Variants in ABCG5 observed in about 807,000 individuals in gnomAD.
ABCG5 encodes the protein ATP binding cassette subfamily G member 5.
Under a neutral mutation model 64.5 loss-of-function variants are expected in ABCG5, and 64 were observed. That is an observed-to-expected ratio of 0.99 (90% CI 0.81 to 1.22). ABCG5 has a LOEUF of 1.22. Among genes scored for constraint, ABCG5 ranks in the 50% most tolerant of loss-of-function variants. ABCG5 has a pLI of 0.00. For synonymous variants in ABCG5, 385 were observed against 326.3 expected (o/e 1.18, Z -1.94); for missense variants, 908 against 829.5 (o/e 1.09, Z -1.16).
At chr2:43,820,131 T>A (rs1210964730) in intron 10 of ABCG5, 31 bp from the exon 11 acceptor site, 1 of 1,603,328 alleles carries the variant, frequency 6.2e-7, no homozygotes, top group South Asian at 1.1e-5. Context: ...TAGTTTCCTC[T>A]CCAAGGGCTA....
At chr2:43,831,728 G>A (rs1272029937) in intron 4 of ABCG5, 41 bp downstream of exon 4, 2 of 1,532,184 alleles carry the variant, frequency 1.3e-6, no homozygotes, top group South Asian at 2.4e-5. Flanking sequence ...GGGGTGCAAA[G>A]GTACTCAGTT....
chr2:43,836,840 G>A (rs1424171968), intron 2 of ABCG5, among the ~76,000 whole-genome samples: 1 of 152,096 alleles, frequency 6.6e-6, no homozygotes, highest in Non-Finnish European at 1.5e-5. Context: ...AAGAGTCTGG[G>A]AAACATAGCA....
chr2:43,826,554 A>G, intron 5 of ABCG5, 33 bp from the exon 6 acceptor site: 2 of 1,614,088 alleles, frequency 1.2e-6, no homozygotes, highest in Non-Finnish European at 1.7e-6. Flanking sequence ...CTTCTAAGGT[A>G]GTGCAGAGCC....
downstream of ABCG5, chr2:43,809,874 T>C: frequency 3.4e-6 from 5 of 1,451,006 alleles, no homozygotes; most frequent in Non-Finnish European, 4.5e-6. Context: ...AACTGTATAA[T>C]TTGTTAAAGG....
rs373514009 is a variant in ABCG5 at position 43,822,862 on chromosome 2, G to A, written c.1398C>T (p.Ala466=). ...GLYQKWQMML[A]YALHVLPFSV... is the part of the protein sequence containing the mutation. ...TGAAGGGGAGGACGTGCAGTGCATA[G>A]GCCAGCATCATCTGCCACTTCTGGT... is the stretch of plus-strand genomic sequence containing the variant. Residue 466 remains alanine (A), a synonymous_variant, in exon 10 of 13, where the codon GCC becomes GCT. Transcript: ENST00000405322. 3.2e-5 allele frequency: 51 copies of A among 1,614,044 alleles called. No individual in the cohort carries two copies. Among genetic ancestry groups the A allele is most frequent in the Non-Finnish European group, 4.2e-5 (50 of 1,180,036 alleles).
downstream of ABCG5, among the ~76,000 whole-genome samples, chr2:43,808,445 G>T (rs368479567): frequency 2.6e-5 from 4 of 152,254 alleles, no homozygotes; most frequent in East Asian, 7.7e-4. Context: ...TTAGCCAAAG[G>T]GCATTGATTG....
At chr2:43,813,739 A>G (rs1275459320) in intron 12 of ABCG5, among the ~76,000 whole-genome samples, 1 of 59,576 alleles carries the variant, frequency 1.7e-5, no homozygotes, top group Non-Finnish European at 2.9e-5. Context: ...TTTTTTTGAG[A>G]CACAGTTTCA....
intron 7 of ABCG5, 87 bp downstream of exon 7, chr2:43,824,802 C>A: frequency 1.3e-6 from 2 of 1,577,440 alleles, no homozygotes; most frequent in Non-Finnish European, 1.7e-6. Context: ...AAAATCAAAT[C>A]CACTAGACTG....
chr2:43,820,591 C>A (rs1184139482), intron 10 of ABCG5, among the ~76,000 whole-genome samples: 1 of 152,166 alleles, frequency 6.6e-6, no homozygotes, highest in Non-Finnish European at 1.5e-5. Context: ...TCAGGTTAGC[C>A]CTCCCCAGCC....
At chr2:43,820,209 T>C (rs1435137536) in intron 10 of ABCG5, 109 bp from the exon 11 acceptor site, 1 of 1,335,452 alleles carries the variant, frequency 7.5e-7, no homozygotes. Flanking sequence ...TGGGAGAAGT[T>C]TGCAGGGCAA....
At chr2:43,822,757 C>T (rs1667316123) in intron 10 of ABCG5, 40 bp downstream of exon 10, 1 of 1,613,758 alleles carries the variant, frequency 6.2e-7, no homozygotes. Flanking sequence ...TCCATGACTC[C>T]ATGGGAGCCC....
At position 43,813,044 on chromosome 2, in the gene ABCG5, C is replaced by T. The variant is rs77265083; in HGVS notation, c.*72G>A. ...TGTCAAGAAAGAAATACATGGCACT[C>T]TCATTTCAGACGTTCAGAGCAGTCA... On this transcript the variant is annotated 3_prime_UTR_variant, in exon 13 of 13. Coordinates refer to ENST00000405322, the MANE Select transcript of ABCG5 (RefSeq NM_022436.3). The T allele has an allele frequency of 2.6e-3, 1,956 of 759,506 alleles. 31 individuals are homozygous for T. The African/African-American group carries it at 0.029, about 11-fold the overall frequency. 47.0% of individuals were successfully genotyped at this position (759,506 alleles called of 1,614,324 possible).
chr2:43,825,058 G>C, intron 6 of ABCG5, 40 bp from the exon 7 acceptor site: 1 of 1,608,896 alleles, frequency 6.2e-7, no homozygotes, highest in Non-Finnish European at 8.5e-7. Flanking sequence ...TGATCACAAG[G>C]GTAGCGATGC....
In ABCG5 at chr2:43,822,573, C is replaced by G. The variant is rs536522578; in HGVS notation, c.1463+224G>C. The G allele has an allele frequency of 4.9e-4, 487 of 985,198 alleles. 4 individuals carry two copies. The highest frequency in any genetic ancestry group is 3.4e-3 in the South Asian group (72 of 21,264). The allele number at this position is 985,198 out of a possible 1,614,324, so 61.0% of individuals were successfully genotyped here. On this transcript the variant is annotated intron_variant, in intron 10 of 12. Transcript: ENST00000405322. ...ATGTGGGACAGGTCATTCCCAGGCA[C>G]ATGTCATCTTGTTGGTTTGTTCTCA...
At chr2:43,829,451 G>C (rs4148182) in intron 4 of ABCG5, among the ~76,000 whole-genome samples, 80,484 of 152,094 alleles carry the variant, frequency 0.53, 22,396 homozygotes, top group East Asian at 0.84. Context: ...TCTCTTCGCT[G>C]TACTTAAAGC....
chr2:43,827,339 A>C (rs968195529), intron 5 of ABCG5, among the ~76,000 whole-genome samples: 3 of 151,948 alleles, frequency 2.0e-5, no homozygotes, highest in Non-Finnish European at 4.4e-5. Flanking sequence ...AAAAAAAAAA[A>C]AAAGTGACAA....
At chr2:43,818,727 A>C (rs1667005188) in intron 11 of ABCG5, among the ~76,000 whole-genome samples, 1 of 152,202 alleles carries the variant, frequency 6.6e-6, no homozygotes, top group Non-Finnish European at 1.5e-5. Context: ...GTGAAAAAAT[A>C]TCCTCCTTGA....
intron 2 of ABCG5, chr2:43,832,329 C>A (rs946583026): frequency 5.0e-6 from 3 of 596,888 alleles, no homozygotes; most frequent in Non-Finnish European, 8.9e-6. Flanking sequence ...CATGCCATTT[C>A]TCTCATCTGG....
intron 9 of ABCG5, among the ~76,000 whole-genome samples, chr2:43,823,223 C>T (rs1667358427): frequency 6.6e-6 from 1 of 152,110 alleles, no homozygotes; most frequent in Admixed American, 6.5e-5. Flanking sequence ...GCAAAAGGGG[C>T]ATGAATAAGT....
Sources: gnomAD v4.1 joint callset for allele counts (sites outside exome capture counted in the v4.1 genomes callset) on GRCh38, gnomAD v4.1.1 for gene constraint, MANE v1.5 for transcripts, NCBI Gene and HGNC (gene_info 2026-07-23, HGNC 2026-07-21) for gene names.